The following RNF24 variants were observed in gnomAD, a reference collection of about 807,000 sequenced individuals.
RNF24 encodes the protein ring finger protein 24.
In RNF24, 14 loss-of-function variants were observed where a neutral mutation model predicts 20.0. That is an observed-to-expected ratio of 0.70 (90% CI 0.46 to 1.10). The LOEUF is 1.10. RNF24 is among the 50% of genes least tolerant of loss of function. RNF24 has a pLI of 0.00. For missense variants in RNF24, 124 were observed against 177.6 expected, an observed-to-expected ratio of 0.70 and a Z score of 1.71; for synonymous variants, 45 against 61.1, an observed-to-expected ratio of 0.74 and a Z score of 1.23.
chr20:3,956,798 C>T (rs1250392577), intron 2 of RNF24, among the ~76,000 whole-genome samples: 1 of 152,038 alleles, frequency 6.6e-6, no homozygotes, highest in Non-Finnish European at 1.5e-5. Flanking sequence ...AGGGTTTTTG[C>T]TTGTTTTACA....
intron 1 of RNF24, among the ~76,000 whole-genome samples, chr20:4,006,276 G>A (rs1039792828): frequency 6.6e-6 from 1 of 151,888 alleles, no homozygotes; most frequent in Non-Finnish European, 1.5e-5. Context: ...GGCTGAGGCA[G>A]AAGAATCGCT....
At chr20:3,988,486 G>T (rs1274291055) in intron 1 of RNF24, among the ~76,000 whole-genome samples, 1 of 128,870 alleles carries the variant, frequency 7.8e-6, no homozygotes, top group Non-Finnish European at 1.6e-5. Flanking sequence ...TTGAGACATG[G>T]TCTTGCTCTG....
At chr20:3,997,610 C>A (rs1980995551) in intron 1 of RNF24, among the ~76,000 whole-genome samples, 1 of 151,628 alleles carries the variant, frequency 6.6e-6, no homozygotes, top group African/African-American at 2.4e-5. Context: ...TTTTTTTCCA[C>A]AGATGGGGTT....
chr20:3,988,350 A>G (rs1325863302), intron 1 of RNF24, among the ~76,000 whole-genome samples: 2 of 152,202 alleles, frequency 1.3e-5, no homozygotes, highest in African/African-American at 4.8e-5. Context: ...AAAATAAAAA[A>G]TAAAAAAAAT....
chr20:3,966,686 A>C (rs1388022642), intron 1 of RNF24, among the ~76,000 whole-genome samples: 1 of 152,210 alleles, frequency 6.6e-6, no homozygotes, highest in Non-Finnish European at 1.5e-5. Flanking sequence ...AGATGCAGGA[A>C]CTAGAAACCA....
rs754883066 is a variant in RNF24, at chr20:3,932,260, A to G, written c.*1803T>C. ...CATTCAACTCTGTTGTGCTACAAAT[A>G]GAGAATGCAAAAAGACGGTGAAAGT... On this transcript the variant is annotated 3_prime_UTR_variant, in exon 6 of 6. Coordinates refer to ENST00000358395, the MANE Select transcript of RNF24 (RefSeq NM_001134337.3). The G allele has an allele frequency of 1.3e-5, 2 of 152,012 alleles. No individual in the cohort carries two copies. Among genetic ancestry groups the G allele is most frequent in the South Asian group, 4.1e-4 (2 of 4,836 alleles). 9.4% of individuals were successfully genotyped at this position (152,012 alleles called of 1,614,324 possible). A position where few individuals can be genotyped will look rare whatever the true frequency, so the allele number is the denominator to read the frequency against.
At chr20:3,974,413 A>G in intron 1 of RNF24, 2 of 1,540,974 alleles carry the variant, frequency 1.3e-6, no homozygotes, top group African/African-American at 1.4e-5. Flanking sequence ...AGCCAGTGCA[A>G]TAAGGTAGAA....
chr20:3,978,079 T>C (rs1979043171), intron 1 of RNF24, among the ~76,000 whole-genome samples: 1 of 151,662 alleles, frequency 6.6e-6, no homozygotes, highest in Non-Finnish European at 1.5e-5. Context: ...CTAATTTTTT[T>C]TTTTTTTTGA....
rs751843906 is a variant in RNF24 at position 3,935,088 on chromosome 20, C to G, written c.229-15G>C. 2 of 1,612,374 alleles carry G rather than the reference C, an allele frequency of 1.2e-6. No individual in the cohort carries two copies. The highest frequency in any genetic ancestry group is 4.5e-5 in the East Asian group (2 of 44,874). On this transcript the variant is annotated splice_polypyrimidine_tract_variant and intron_variant, in intron 4 of 5. Transcript: ENST00000358395. Reference sequence around the variant, plus strand: ...ACTGCACAGAGCTGAAAGACAAATGCACAAATGAAGCCAAGTGTCTGTTAA... The same window carrying G: ...ACTGCACAGAGCTGAAAGACAAATGGACAAATGAAGCCAAGTGTCTGTTAA...
intron 4 of RNF24, among the ~76,000 whole-genome samples, chr20:3,941,419 A>G (rs963151814): frequency 6.6e-6 from 1 of 152,228 alleles, no homozygotes; most frequent in Admixed American, 6.5e-5. Flanking sequence ...CAATCCAACT[A>G]GAGTGTTAAA....
At chr20:3,987,709 T>A (rs1040432833) in intron 1 of RNF24, among the ~76,000 whole-genome samples, 1 of 152,236 alleles carries the variant, frequency 6.6e-6, no homozygotes, top group Non-Finnish European at 1.5e-5. Context: ...ATGAGCCACA[T>A]GAACAGAGGT....
chr20:4,001,979 G>A (rs369117335), intron 1 of RNF24, among the ~76,000 whole-genome samples: 8 of 151,596 alleles, frequency 5.3e-5, no homozygotes, highest in Non-Finnish European at 8.8e-5. Context: ...AGGGCCGGGC[G>A]CGGTGGCTGA....
At chr20:3,984,807 T>C (rs1280083247) in intron 1 of RNF24, among the ~76,000 whole-genome samples, 1 of 152,156 alleles carries the variant, frequency 6.6e-6, no homozygotes, top group Non-Finnish European at 1.5e-5. Context: ...CTTTTTTTTT[T>C]TCTTTCAAAT....
At chr20:4,002,107 C>T (rs556969031) in intron 1 of RNF24, among the ~76,000 whole-genome samples, 8 of 152,126 alleles carry the variant, frequency 5.3e-5, no homozygotes, top group East Asian at 1.9e-4. Context: ...AAAAATTAGC[C>T]GGGCGTGGTG....
intron 1 of RNF24, among the ~76,000 whole-genome samples, chr20:3,967,124 T>C (rs1389120987): frequency 6.6e-6 from 1 of 152,256 alleles, no homozygotes; most frequent in East Asian, 1.9e-4. Context: ...AGTGACACAT[T>C]AGTTTTTACA....
intron 1 of RNF24, among the ~76,000 whole-genome samples, chr20:3,995,679 C>T (rs1209126266): frequency 6.6e-6 from 1 of 152,098 alleles, no homozygotes; most frequent in Non-Finnish European, 1.5e-5. Context: ...GGAAGTCTCC[C>T]CTTTGTTTAC....
chr20:3,972,545 T>C (rs1371711105), intron 1 of RNF24, among the ~76,000 whole-genome samples: 1 of 152,206 alleles, frequency 6.6e-6, no homozygotes, highest in Non-Finnish European at 1.5e-5. Flanking sequence ...CACTACTAAA[T>C]AATCTATAAG....
chr20:3,949,726 A>G lies in RNF24; in HGVS notation c.144-1447T>C, dbSNP rs6037700. ...TCATAACAATTTTACTTCTATGGGT[A>G]GTTTATGAGAGTTCTAGGTGTTCAC... On this transcript the variant is annotated intron_variant, in intron 2 of 5. Transcript: ENST00000358395. Among the ~76,000 whole-genome samples the G allele has an allele frequency of 5.6e-4, 85 of 152,296 alleles. 2 individuals carry two copies. Among genetic ancestry groups the G allele is most frequent in the African/African-American group, 2.0e-3 (84 of 41,574 alleles).
intron 4 of RNF24, among the ~76,000 whole-genome samples, chr20:3,937,330 C>G (rs1568613654): frequency 1.3e-5 from 2 of 152,166 alleles, no homozygotes; most frequent in Admixed American, 6.5e-5. Context: ...GAGCCAAACT[C>G]ATTTTACAAC....
Sources: gnomAD v4.1 joint callset for allele counts (sites outside exome capture counted in the v4.1 genomes callset) on GRCh38, gnomAD v4.1.1 for gene constraint, MANE v1.5 for transcripts, NCBI Gene and HGNC (gene_info 2026-07-23, HGNC 2026-07-21) for gene names.